Variants in OSBPL2 observed in about 807,000 individuals in gnomAD.
The protein encoded by OSBPL2 is oxysterol binding protein like 2, also known as oxysterol-binding protein-related protein 2.
Under a neutral mutation model 58.4 loss-of-function variants are expected in OSBPL2, and 18 were observed. That is an observed-to-expected ratio of 0.31 (90% CI 0.21 to 0.46). The LOEUF (loss-of-function observed/expected upper bound fraction) is 0.46, where lower values mean the gene tolerates loss of function less well. OSBPL2 is among the 20% of genes least tolerant of loss of function. The pLI is 1.00. For synonymous variants in OSBPL2, 221 were observed against 234.1 expected (o/e 0.94, Z 0.51); for missense variants, 461 against 616.5 (o/e 0.75, Z 2.67).
chr20:62,281,224 G>A (rs1460953544), intron 8 of OSBPL2, 59 bp downstream of exon 8: 11 of 1,274,300 alleles, frequency 8.6e-6, no homozygotes, highest in African/African-American at 2.9e-5. Flanking sequence ...TGGGCGAGCC[G>A]GGGAGCGTGA....
At chr20:62,266,986 G>A (rs903304262) in intron 4 of OSBPL2, among the ~76,000 whole-genome samples, 1 of 152,150 alleles carries the variant, frequency 6.6e-6, no homozygotes, top group Admixed American at 6.5e-5. Flanking sequence ...GGCGTGCGAC[G>A]GCTCACGCCT....
At chr20:62,250,565 A>T (rs938132496) in intron 1 of OSBPL2, among the ~76,000 whole-genome samples, 3 of 152,164 alleles carry the variant, frequency 2.0e-5, no homozygotes, top group African/African-American at 7.2e-5. Flanking sequence ...AAGATTTCCC[A>T]TAAGCTGTGA....
At position 62,269,074 on chromosome 20, in the gene OSBPL2, G is replaced by T. The variant is rs896316770; in HGVS notation, c.259-3051G>T. On this transcript the variant is annotated intron_variant, in intron 4 of 13. Transcript: ENST00000313733. The surrounding 1 kb of genome is among the most constrained non-coding windows in gnomAD (Gnocchi z 4.2). ...ACTCCAACTCAAAAAAAAAAAAAAT[G>T]TTTTTTTGTAGAGACGGGGTCTCAC... Among the ~76,000 whole-genome samples the T allele has an allele frequency of 3.3e-5, 5 of 151,470 alleles. No individual in the cohort carries two copies. The highest frequency in any genetic ancestry group is 7.4e-5 in the Non-Finnish European group (5 of 67,728).
In OSBPL2 at chr20:62,263,480, C is replaced by G. The variant is rs1245058883; in HGVS notation, c.183-136C>G. ...TAGGCAGCAGTCGTGCCCTGTGTCC[C>G]TAGGCATGCCAGAATGTAGAAATGC... On this transcript the variant is annotated intron_variant, in intron 3 of 13. Transcript: ENST00000313733. 5 of 713,022 alleles carry G rather than the reference C, an allele frequency of 7.0e-6. No individual in the cohort carries two copies. In the East Asian group the frequency reaches 1.4e-4, roughly 19 times the overall value. The allele number at this position is 713,022 out of a possible 1,614,324, so 44.2% of individuals were successfully genotyped here. A position where few individuals can be genotyped will look rare whatever the true frequency, so the allele number is the denominator to read the frequency against.
chr20:62,241,881 G>C (rs1979760761), intron 1 of OSBPL2, among the ~76,000 whole-genome samples: 1 of 152,186 alleles, frequency 6.6e-6, no homozygotes, highest in East Asian at 1.9e-4. Flanking sequence ...TCCTGTTTGG[G>C]TGTTGACATT....
At chr20:62,257,455 A>G (rs1259535949) in intron 2 of OSBPL2, among the ~76,000 whole-genome samples, 1 of 152,218 alleles carries the variant, frequency 6.6e-6, no homozygotes, top group Non-Finnish European at 1.5e-5. Context: ...AATTATCTGC[A>G]GCGTGTTTGC....
chr20:62,249,342 G>A (rs1482300784), intron 1 of OSBPL2, among the ~76,000 whole-genome samples: 2 of 152,288 alleles, frequency 1.3e-5, no homozygotes, highest in East Asian at 3.9e-4. Context: ...TGAACAGAAA[G>A]AGCCCCTTAA....
chr20:62,273,227 C>T, intron 5 of OSBPL2, 82 bp from the exon 6 acceptor site: 2 of 1,051,738 alleles, frequency 1.9e-6, no homozygotes, highest in Non-Finnish European at 2.9e-6. Flanking sequence ...ACCAGGTGCC[C>T]ACCGCCCTCC....
chr20:62,267,883 T>A (rs202167739), intron 4 of OSBPL2, among the ~76,000 whole-genome samples: 1 of 151,188 alleles, frequency 6.6e-6, no homozygotes, highest in Non-Finnish European at 1.5e-5. Flanking sequence ...CTGCATTATT[T>A]TTTATTTATT....
chr20:62,268,049 A>ATTTTTTTTTTTT (rs149417240), intron 4 of OSBPL2, among the ~76,000 whole-genome samples: 2 of 116,150 alleles, frequency 1.7e-5, no homozygotes, highest in African/African-American at 3.2e-5. Flanking sequence ...TGCCCGGCTA[A>ATTTTTTTTTTTT]TTTTTTTTTT....
chr20:62,257,162 T>TGGCTCCGTTGGC (rs1980978974), intron 2 of OSBPL2, among the ~76,000 whole-genome samples: 1 of 152,216 alleles, frequency 6.6e-6, no homozygotes, highest in Admixed American at 6.5e-5. Flanking sequence ...GACACGGCGA[T>TGGCTCCGTTGGC]GGCTCCGTTG....
At chr20:62,266,723 A>C (rs1222209614) in intron 4 of OSBPL2, among the ~76,000 whole-genome samples, 1 of 152,210 alleles carries the variant, frequency 6.6e-6, no homozygotes, top group East Asian at 1.9e-4. Context: ...TTTTGTTTGT[A>C]AATATTTCTT....
At chr20:62,265,439 GA>G (rs1018841857) in intron 4 of OSBPL2, among the ~76,000 whole-genome samples, 107 of 152,228 alleles carry the variant, frequency 7.0e-4, no homozygotes, top group African/African-American at 2.5e-3. Flanking sequence ...AGGCACTAAA[GA>G]ATGCTCTAGT....
At chr20:62,273,607 G>A (rs1180480513) in intron 6 of OSBPL2, among the ~76,000 whole-genome samples, 1 of 152,208 alleles carries the variant, frequency 6.6e-6, no homozygotes, top group African/African-American at 2.4e-5. Context: ...CGGCGTCTGA[G>A]TGAGTGTAAA....
rs773909049 is a variant in OSBPL2, at chr20:62,272,237, C to T, written c.371C>T (p.Pro124Leu). ...CTCATCCACAGGGCCTCCTGCCAGC[C>T]CCAGCCCCTGGAGAGGATGCAGGTG... ...VYLIHRASCQ[P>L]QPLERMQSVA... Residue 124 changes from proline (P) to leucine (L), a missense_variant, in exon 5 of 14, where the codon CCC (proline) becomes CTC (leucine). Physicochemically the swap from Pro to Leu is moderately conservative, Grantham distance 98 (BLOSUM62 -3). Coordinates refer to ENST00000313733, the MANE Select transcript of OSBPL2 (RefSeq NM_144498.4). The T allele has an allele frequency of 9.9e-6, 16 of 1,613,350 alleles. No individual in the cohort carries two copies.
chr20:62,269,497 G>A lies in OSBPL2; in HGVS notation c.259-2628G>A, dbSNP rs1809818907. ...GCAGCCGGGGGGCTTTCCCTGGGTG[G>A]GAGTTGCACACAGTTGCGATACCAT... On this transcript the variant is annotated intron_variant, in intron 4 of 13. Coordinates refer to ENST00000313733, the MANE Select transcript of OSBPL2 (RefSeq NM_144498.4). This position sits in a 1 kb window ranked among gnomAD's most constrained non-coding sequence, Gnocchi z 4.2. 6.6e-6 allele frequency among the ~76,000 whole-genome samples: 1 copy of A among 152,130 alleles called. No individual in the cohort carries two copies. Among genetic ancestry groups the A allele is most frequent in the Admixed American group, 6.5e-5 (1 of 15,278 alleles).
At position 62,263,914 on chromosome 20, in the gene OSBPL2, A is replaced by T. The variant is rs191400078; in HGVS notation, c.258+223A>T. 5.3e-5 allele frequency among the ~76,000 whole-genome samples: 8 copies of T among 152,030 alleles called. No individual in the cohort carries two copies. In the East Asian group the frequency reaches 1.4e-3, roughly 26 times the overall value. ...CCCCGTCTCTACTAAAAATTCCAAA[A>T]ATTAGCTGGGCGTGGTGGAGGGCGC... On this transcript the variant is annotated intron_variant, in intron 4 of 13. Transcript: ENST00000313733.
intron 11 of OSBPL2, among the ~76,000 whole-genome samples, chr20:62,287,331 G>T (rs1241395473): frequency 2.0e-5 from 3 of 152,056 alleles, no homozygotes; most frequent in Admixed American, 1.3e-4. Flanking sequence ...ATGCAATTTT[G>T]TACGTCCCAT....
chr20:62,293,912 G>A lies in OSBPL2; in HGVS notation c.*25G>A. On this transcript the variant is annotated 3_prime_UTR_variant, in exon 14 of 14. Transcript: ENST00000313733. ...AGGGCCTGGAGGGGCCTGGGGCCCG[G>A]GACCGGAGGCTGACGAGGCTGGACT... The A allele has an allele frequency of 6.2e-7, 1 of 1,609,368 alleles. No homozygotes were observed. The highest frequency in any genetic ancestry group is 8.5e-7 in the Non-Finnish European group (1 of 1,178,370).
Sources: gnomAD v4.1 joint callset for allele counts (sites outside exome capture counted in the v4.1 genomes callset) on GRCh38, gnomAD v4.1.1 for gene constraint, Gnocchi (gnomAD v3.1) non-coding constraint, MANE v1.5 for transcripts, NCBI Gene and HGNC (gene_info 2026-07-23, HGNC 2026-07-21) for gene names.